The following KIRREL3 variants were observed in gnomAD, a reference collection of about 807,000 sequenced individuals.
KIRREL3 encodes kirre like nephrin family adhesion molecule 3.
A neutral mutation model predicts 89.7 loss-of-function variants in KIRREL3; 36 were observed. That is an observed-to-expected ratio of 0.40 (90% CI 0.31 to 0.53). KIRREL3 has a LOEUF of 0.53. Among genes scored for constraint, KIRREL3 ranks in the 20% least tolerant of loss-of-function variants. The pLI is 0.49. For synonymous variants in KIRREL3, 445 were observed against 441.4 expected, an observed-to-expected ratio of 1.01 and a Z score of -0.10; for missense variants, 864 against 1,056.6, an observed-to-expected ratio of 0.82 and a Z score of 2.53.
chr11:126,737,542 G>T (rs1164817385), intron 1 of KIRREL3, among the ~76,000 whole-genome samples: 1 of 152,172 alleles, frequency 6.6e-6, no homozygotes, highest in Non-Finnish European at 1.5e-5. Flanking sequence ...CAGCAGCTCG[G>T]AGTCTCAGTT....
At position 126,551,520 on chromosome 11, in the gene KIRREL3, G is replaced by A. The variant is rs59826922; in HGVS notation, c.133+11315C>T. 0.17 allele frequency among the ~76,000 whole-genome samples: 25,870 copies of A among 151,924 alleles called. 6,351 individuals are homozygous for A. Among genetic ancestry groups the A allele is most frequent in the African/African-American group, 0.54 (22,498 of 41,362 alleles). ...GAAACATGTCTAGATACATCATCACGCCTCAGGCCATGCCCTGACTTTCAA... is the reference window on the plus strand; with the variant it reads ...GAAACATGTCTAGATACATCATCACACCTCAGGCCATGCCCTGACTTTCAA... On this transcript the variant is annotated intron_variant, in intron 2 of 16. Transcript: ENST00000525144. The surrounding 1 kb of genome is among the most constrained non-coding windows in gnomAD (Gnocchi z 4.9).
intron 1 of KIRREL3, among the ~76,000 whole-genome samples, chr11:126,600,050 G>A (rs1323305010): frequency 2.6e-5 from 4 of 152,182 alleles, no homozygotes; most frequent in African/African-American, 7.2e-5. Context: ...ACTAGTTTGC[G>A]TGTTCTGTCC....
intron 1 of KIRREL3, among the ~76,000 whole-genome samples, chr11:126,602,964 T>C (rs1469242702): frequency 2.0e-5 from 3 of 152,092 alleles, no homozygotes; most frequent in Non-Finnish European, 4.4e-5. Flanking sequence ...GAAGTAATGA[T>C]TGGAGGCCTG....
rs1942884555 is a variant in KIRREL3, at chr11:126,606,267, A to T, written c.56-43355T>A. Among the ~76,000 whole-genome samples the T allele has an allele frequency of 6.6e-6, 1 of 152,176 alleles. No homozygotes were observed. The highest frequency in any genetic ancestry group is 2.4e-5 in the African/African-American group (1 of 41,438). On this transcript the variant is annotated intron_variant, in intron 1 of 16. Coordinates refer to ENST00000525144, the MANE Select transcript of KIRREL3 (RefSeq NM_032531.4). This position sits in a 1 kb window ranked among gnomAD's most constrained non-coding sequence, Gnocchi z 4.6. ...GGCACAGTTTAGTATGGTGTTTATG[A>T]GAGTGGATCTGGAGTGTGGGTTTGG...
chr11:126,429,331 T>C lies in KIRREL3; in HGVS notation c.1697-43A>G, dbSNP rs372381320. On this transcript the variant is annotated intron_variant, in intron 14 of 16. Coordinates refer to ENST00000525144, the MANE Select transcript of KIRREL3 (RefSeq NM_032531.4). The surrounding 1 kb of genome is among the most constrained non-coding windows in gnomAD (Gnocchi z 5.2). Reference sequence around the variant, plus strand: ...AAGTGTAGATGATAGATTTAGTTCTTACCTTTGAGATGTCAAGCTCCCTTG... The same window carrying C: ...AAGTGTAGATGATAGATTTAGTTCTCACCTTTGAGATGTCAAGCTCCCTTG... 6.9e-5 allele frequency: 97 copies of C among 1,415,794 alleles called. No homozygotes were observed. The highest frequency in any genetic ancestry group is 8.8e-5 in the Non-Finnish European group (88 of 1,002,630). 87.7% of individuals were successfully genotyped at this position (1,415,794 alleles called of 1,614,324 possible).
In KIRREL3 at chr11:126,451,597, T is replaced by C. The variant is rs560817405; in HGVS notation, c.849-2440A>G. Among the ~76,000 whole-genome samples, 441 of 151,772 alleles carry C rather than the reference T, an allele frequency of 2.9e-3. 1 individual carries two copies. Among genetic ancestry groups the C allele is most frequent in the African/African-American group, 0.01 (421 of 41,344 alleles). ...ATGTGTGTGTGCGTGTGTGTACATG[T>C]GTGAGCATGTGCATGTGTGCATGTG... On this transcript the variant is annotated intron_variant, in intron 7 of 16. Transcript: ENST00000525144.
chr11:126,488,161 G>A (rs1241929006), intron 4 of KIRREL3, among the ~76,000 whole-genome samples: 4 of 152,198 alleles, frequency 2.6e-5, no homozygotes, highest in Non-Finnish European at 4.4e-5. Flanking sequence ...CCTATTCACC[G>A]GGGCAGGGAG....
At chr11:126,966,288 G>A (rs535678041) in intron 1 of KIRREL3, among the ~76,000 whole-genome samples, 12 of 152,226 alleles carry the variant, frequency 7.9e-5, no homozygotes, top group South Asian at 6.2e-4. Flanking sequence ...GGAAAAAGTC[G>A]GCAAAAGCAG....
rs1433837145 is a variant in KIRREL3 at position 126,931,551 on chromosome 11, C to G, written c.55+68904G>C. ...TCTTCTGAAGGCTCCCTTAAGTAAG[C>G]CCTCTTGGCTAGTCATTCTAGAGAA... On this transcript the variant is annotated intron_variant, in intron 1 of 16. Transcript: ENST00000525144. The surrounding 1 kb of genome is among the most constrained non-coding windows in gnomAD (Gnocchi z 5.1). Among the ~76,000 whole-genome samples, 1 of 152,156 alleles carries G rather than the reference C, an allele frequency of 6.6e-6. No homozygotes were observed. Among genetic ancestry groups the G allele is most frequent in the Non-Finnish European group, 1.5e-5 (1 of 68,028 alleles).
intron 2 of KIRREL3, among the ~76,000 whole-genome samples, chr11:126,552,611 A>G (rs1939374234): frequency 1.6e-5 from 2 of 121,900 alleles, no homozygotes; most frequent in Middle Eastern, 0.017. Flanking sequence ...GCTCCGGCTG[A>G]AGTGCAATGG....
intron 1 of KIRREL3, chr11:126,920,574 G>A (rs1486910751): frequency 6.6e-6 from 1 of 152,182 alleles, no homozygotes; most frequent in African/African-American, 2.4e-5. Flanking sequence ...TTGATTTTCT[G>A]CCCATAGCAT....
At position 126,991,604 on chromosome 11, in the gene KIRREL3, A is replaced by G. The variant is rs1251791445; in HGVS notation, c.55+8851T>C. Among the ~76,000 whole-genome samples the G allele has an allele frequency of 6.6e-6, 1 of 152,178 alleles. No individual in the cohort carries two copies. The highest frequency in any genetic ancestry group is 6.5e-5 in the Admixed American group (1 of 15,280). On this transcript the variant is annotated intron_variant, in intron 1 of 16. Transcript: ENST00000525144. This position sits in a 1 kb window ranked among gnomAD's most constrained non-coding sequence, Gnocchi z 5.8. ...TGGAAACTTTGTACCCCGAGGTAAA[A>G]CTGAATGCCAGAAAGATAAAGAAAC...
intron 1 of KIRREL3, among the ~76,000 whole-genome samples, chr11:126,688,807 TAA>T (rs1946762977): frequency 6.6e-6 from 1 of 152,176 alleles, no homozygotes; most frequent in South Asian, 2.1e-4. Context: ...CTGTCAGTTC[TAA>T]AAGACTGAGA....
chr11:126,744,690 C>T lies in KIRREL3; in HGVS notation c.56-181778G>A, dbSNP rs1431974638. Reference sequence around the variant, plus strand: ...CCCCATGGTGCTGGCAATAGTGTCTCGTGGAAACTAAGGACCCGATGAACA... The same window carrying T: ...CCCCATGGTGCTGGCAATAGTGTCTTGTGGAAACTAAGGACCCGATGAACA... On this transcript the variant is annotated intron_variant, in intron 1 of 16. Coordinates refer to ENST00000525144, the MANE Select transcript of KIRREL3 (RefSeq NM_032531.4). This position sits in a 1 kb window ranked among gnomAD's most constrained non-coding sequence, Gnocchi z 4.7. 6.6e-6 allele frequency among the ~76,000 whole-genome samples: 1 copy of T among 152,124 alleles called. No individual in the cohort carries two copies. The highest frequency in any genetic ancestry group is 1.5e-5 in the Non-Finnish European group (1 of 68,016).
At chr11:126,440,293 G>T in intron 11 of KIRREL3, 156 bp downstream of exon 11, 1 of 733,620 alleles carries the variant, frequency 1.4e-6, no homozygotes, top group South Asian at 1.5e-5. Flanking sequence ...GTGTCTTCAC[G>T]ATGCTTTTCC....
chr11:126,944,290 A>G (rs958556172), intron 1 of KIRREL3: 1 of 152,114 alleles, frequency 6.6e-6, no homozygotes, highest in Non-Finnish European at 1.5e-5. Context: ...CTTATATTCC[A>G]TACGTGTGTG....
chr11:126,834,615 A>G (rs1024329399), intron 1 of KIRREL3, among the ~76,000 whole-genome samples: 5 of 152,242 alleles, frequency 3.3e-5, no homozygotes, highest in African/African-American at 1.2e-4. Flanking sequence ...GATTGGTTTG[A>G]AATTCTGACG....
Position 126,686,959 on chromosome 11 carries a change from T to G in KIRREL3, c.56-124047A>C, listed in dbSNP as rs190492206. Among the ~76,000 whole-genome samples, 24 of 152,204 alleles carry G rather than the reference T, an allele frequency of 1.6e-4. 1 individual carries two copies. In the East Asian group the frequency reaches 2.1e-3, roughly 13 times the overall value. ...GAAGGTCACATTGAGAAGAGTCAAA[T>G]TCAGAAGGCCTGACAGAGATGACAT... On this transcript the variant is annotated intron_variant, in intron 1 of 16. Transcript: ENST00000525144. This position sits in a 1 kb window ranked among gnomAD's most constrained non-coding sequence, Gnocchi z 4.7.
chr11:126,803,844 C>T (rs1316408954), intron 1 of KIRREL3, among the ~76,000 whole-genome samples: 8 of 152,178 alleles, frequency 5.3e-5, no homozygotes, highest in Admixed American at 4.6e-4. Context: ...CCATAGGGAC[C>T]TGGGATGCTA....
Sources: allele counts gnomAD v4.1 joint callset (sites outside exome capture counted in the v4.1 genomes callset), GRCh38; gene constraint gnomAD v4.1.1; non-coding constraint Gnocchi (gnomAD v3.1); transcripts MANE v1.5; gene names NCBI Gene and HGNC (gene_info 2026-07-23, HGNC 2026-07-21).